Variants in CHODL observed in about 807,000 individuals in gnomAD.
The protein encoded by CHODL is chondrolectin.
In CHODL, 29 loss-of-function variants were observed where a neutral mutation model predicts 34.5. The observed-to-expected ratio is 0.84, with a 90% CI of 0.63 to 1.15. The LOEUF (loss-of-function observed/expected upper bound fraction) is 1.15, where lower values mean the gene tolerates loss of function less well. CHODL is among the 50% of genes most tolerant of loss of function. The pLI is 0.00. For synonymous variants in CHODL, 125 were observed against 116.1 expected (o/e 1.08, Z -0.49); for missense variants, 332 against 332.5 (o/e 1.00, Z 0.01).
At chr21:18,018,429 C>T (rs2064095941) in intron 1 of CHODL, among the ~76,000 whole-genome samples, 1 of 152,056 alleles carries the variant, frequency 6.6e-6, no homozygotes, top group African/African-American at 2.4e-5. Flanking sequence ...TTGGTGCTGT[C>T]TTTGCAACAG....
intron 2 of CHODL, among the ~76,000 whole-genome samples, chr21:18,184,919 G>A: frequency 6.6e-6 from 1 of 152,092 alleles, no homozygotes; most frequent in South Asian, 2.1e-4. Flanking sequence ...ATCACCCCAA[G>A]TTGCAAATAC....
At chr21:18,230,898 G>A (rs1392803292) in intron 2 of CHODL, among the ~76,000 whole-genome samples, 1 of 152,050 alleles carries the variant, frequency 6.6e-6, no homozygotes, top group African/African-American at 2.4e-5. Context: ...AATATAAACT[G>A]CTAGAAATAC....
chr21:18,254,001 A>G (rs2074287067), intron 1 of CHODL, among the ~76,000 whole-genome samples: 1 of 152,054 alleles, frequency 6.6e-6, no homozygotes, highest in Non-Finnish European at 1.5e-5. Context: ...GAAGTTAATG[A>G]CCTTCCACTG....
chr21:18,099,313 A>C (rs1345484970), intron 2 of CHODL, among the ~76,000 whole-genome samples: 1 of 152,078 alleles, frequency 6.6e-6, no homozygotes, highest in African/African-American at 2.4e-5. Flanking sequence ...GTTATTCTGC[A>C]TTGCATGCCT....
At chr21:18,095,008 C>T (rs1479006580) in intron 2 of CHODL, among the ~76,000 whole-genome samples, 2 of 151,820 alleles carry the variant, frequency 1.3e-5, no homozygotes, top group East Asian at 1.9e-4. Flanking sequence ...CCTGTAGCCC[C>T]AGCTACTCAG....
intron 2 of CHODL, among the ~76,000 whole-genome samples, chr21:18,100,890 C>A (rs2065205197): frequency 6.6e-6 from 1 of 151,948 alleles, no homozygotes; most frequent in South Asian, 2.1e-4. Flanking sequence ...TTTTTTTCCC[C>A]CAGTTTGGTA....
chr21:17,967,315 C>T (rs1310271269), intron 1 of CHODL, among the ~76,000 whole-genome samples: 1 of 152,144 alleles, frequency 6.6e-6, no homozygotes, highest in African/African-American at 2.4e-5. Context: ...TTGTTGATGA[C>T]ACAAGTGAGT....
chr21:18,165,455 T>C (rs1322712104), intron 2 of CHODL, among the ~76,000 whole-genome samples: 1 of 152,220 alleles, frequency 6.6e-6, no homozygotes, highest in African/African-American at 2.4e-5. Context: ...AACTCAGACA[T>C]ATGGTTTGAA....
chr21:18,010,154 C>G (rs1350579006), intron 1 of CHODL, among the ~76,000 whole-genome samples: 1 of 131,870 alleles, frequency 7.6e-6, no homozygotes, highest in Non-Finnish European at 1.6e-5. Context: ...AAAAATTAGC[C>G]GGGCGTGGTG....
Position 18,266,311 on chromosome 21 carries a change from G to A in CHODL, c.*273G>A, listed in dbSNP as rs1433434235. 3 of 1,001,980 alleles carry A rather than the reference G, an allele frequency of 3.0e-6. No homozygotes were observed. In the African/African-American group the frequency reaches 4.9e-5, roughly 16 times the overall value. The allele number at this position is 1,001,980 out of a possible 1,614,324, so 62.1% of individuals were successfully genotyped here. On this transcript the variant is annotated 3_prime_UTR_variant, in exon 6 of 6. Transcript: ENST00000299295. ...AAATGAAATGGACAATGCAGATAAA[G>A]TTGTTATCAACACGTCGGGAGTATG...
At chr21:18,220,133 A>G (rs2073868047) in intron 2 of CHODL, among the ~76,000 whole-genome samples, 1 of 152,164 alleles carries the variant, frequency 6.6e-6, no homozygotes, top group South Asian at 2.1e-4. Context: ...CCTCTTATGT[A>G]AGCATAACTA....
At chr21:18,084,518 T>G (rs1344719728) in intron 2 of CHODL, among the ~76,000 whole-genome samples, 1 of 152,216 alleles carries the variant, frequency 6.6e-6, no homozygotes, top group Admixed American at 6.5e-5. Flanking sequence ...AATTTCTTCA[T>G]TGACCCAGTG....
intron 2 of CHODL, chr21:18,134,329 C>T (rs369307764): frequency 6.4e-5 from 33 of 517,528 alleles, no homozygotes; most frequent in Admixed American, 4.3e-4. Context: ...TATTGATAAA[C>T]AGTGGTGACT....
chr21:18,151,247 C>T (rs1456321606), intron 2 of CHODL, among the ~76,000 whole-genome samples: 1 of 152,122 alleles, frequency 6.6e-6, no homozygotes, highest in Non-Finnish European at 1.5e-5. Context: ...GCCGGGTTTC[C>T]CGCTTAGCCT....
intron 2 of CHODL, among the ~76,000 whole-genome samples, chr21:18,087,627 G>T (rs1275080477): frequency 6.6e-6 from 1 of 152,140 alleles, no homozygotes; most frequent in Admixed American, 6.5e-5. Flanking sequence ...CAGCCTGAGG[G>T]TAGAGGGCAG....
intron 2 of CHODL, among the ~76,000 whole-genome samples, chr21:18,047,430 T>C (rs1350878918): frequency 6.6e-6 from 1 of 151,970 alleles, no homozygotes; most frequent in Non-Finnish European, 1.5e-5. Context: ...TATTTTTATA[T>C]TAAAAATGGA....
chr21:18,219,239 C>T (rs1490578374), intron 2 of CHODL, among the ~76,000 whole-genome samples: 1 of 152,110 alleles, frequency 6.6e-6, no homozygotes, highest in Admixed American at 6.6e-5. Flanking sequence ...AGGAAACTTA[C>T]AGTCATGGCA....
In CHODL at chr21:18,172,661, C is replaced by T. The variant is rs1176997876; in HGVS notation, c.-44-83848C>T. Among the ~76,000 whole-genome samples the T allele has an allele frequency of 2.0e-5, 3 of 152,142 alleles. No homozygotes were observed. In the South Asian group the frequency reaches 6.2e-4, roughly 32 times the overall value. On this transcript the variant is annotated intron_variant, in intron 2 of 6. Transcript: ENST00000400127. Reference sequence around the variant, plus strand: ...AAAAAGTTGATTCTGACAATTTTTACTAGTGTTCTTATCATTTTTACAGAA... The same window carrying T: ...AAAAAGTTGATTCTGACAATTTTTATTAGTGTTCTTATCATTTTTACAGAA...
intron 2 of CHODL, among the ~76,000 whole-genome samples, chr21:18,107,856 A>G (rs2065292610): frequency 6.6e-6 from 1 of 152,230 alleles, no homozygotes; most frequent in Non-Finnish European, 1.5e-5. Context: ...TGTGGATGTA[A>G]GACTGTTTGA....
Sources: allele counts gnomAD v4.1 joint callset (sites outside exome capture counted in the v4.1 genomes callset), GRCh38; gene constraint gnomAD v4.1.1; transcripts MANE v1.5; gene names NCBI Gene and HGNC (gene_info 2026-07-23, HGNC 2026-07-21).